LIN54: variants seen among roughly 807,000 people sequenced by gnomAD.
The protein encoded by LIN54 is protein lin-54 homolog.
A neutral mutation model predicts 78.7 loss-of-function variants in LIN54; 9 were observed. That is an observed-to-expected ratio of 0.11 (90% CI 0.07 to 0.20). The LOEUF is 0.20. Ranked by LOEUF, LIN54 falls within the 10% of genes least tolerant of loss-of-function variation. LIN54 has a pLI of 1.00. For synonymous variants in LIN54, 269 were observed against 318.4 expected (o/e 0.84, Z 1.65); for missense variants, 573 against 889.9 (o/e 0.64, Z 4.53).
chr4:83,003,715 G>A (rs955835246), intron 1 of LIN54, among the ~76,000 whole-genome samples: 9 of 151,722 alleles, frequency 5.9e-5, no homozygotes, highest in South Asian at 2.1e-4. Flanking sequence ...TTCTAGAGAC[G>A]GGGTCTCGCC....
rs1277500854 is a variant in LIN54, at chr4:82,927,036, A to G, written c.*1066T>C. On this transcript the variant is annotated 3_prime_UTR_variant, in exon 13 of 13. Transcript: ENST00000340417. ...GTGGCATGCACCTGTAGTCCCAGCT[A>G]CACGGGAGGCTGAGGCAGGAGAATC... The G allele has an allele frequency of 6.5e-6, 1 of 152,758 alleles. No homozygotes were observed. The highest frequency in any genetic ancestry group is 1.5e-5 in the Non-Finnish European group (1 of 68,564). The allele number at this position is 152,758 out of a possible 1,614,324, so 9.5% of individuals were successfully genotyped here.
chr4:82,946,159 G>T, intron 5 of LIN54, 99 bp downstream of exon 5: 1 of 1,029,828 alleles, frequency 9.7e-7, no homozygotes. Context: ...AAACTCAGTT[G>T]AAATGCCACT....
At chr4:82,962,129 T>C (rs1191526815) in intron 4 of LIN54, among the ~76,000 whole-genome samples, 2 of 152,148 alleles carry the variant, frequency 1.3e-5, no homozygotes, top group Non-Finnish European at 2.9e-5. Context: ...CTTGCTATGT[T>C]GCCCAGGCTG....
At chr4:82,997,994 C>CA (rs58344267) in intron 1 of LIN54, among the ~76,000 whole-genome samples, 27,477 of 104,924 alleles carry the variant, frequency 0.26, 2,979 homozygotes, top group South Asian at 0.35. Flanking sequence ...AACTCCATCT[C>CA]AAAAAAAAAA....
At chr4:82,944,633 T>A (rs547060829) in intron 5 of LIN54, 1 of 152,354 alleles carries the variant, frequency 6.6e-6, no homozygotes, top group South Asian at 2.1e-4. Flanking sequence ...TTCAGTAATT[T>A]GAAAGAGAAA....
chr4:82,946,201 A>G (rs1723347247), intron 5 of LIN54, 57 bp downstream of exon 5: 4 of 1,423,424 alleles, frequency 2.8e-6, no homozygotes, highest in Admixed American at 1.7e-5. Flanking sequence ...AAATGGACAA[A>G]TGTTCTTTAA....
At chr4:82,978,810 G>A in intron 3 of LIN54, 73 bp downstream of exon 3, 1 of 925,918 alleles carries the variant, frequency 1.1e-6, no homozygotes, top group Non-Finnish European at 1.6e-6. Context: ...AACATTTTAA[G>A]TTGGCAGAAC....
At chr4:82,975,611 C>G (rs1159952924) in intron 3 of LIN54, among the ~76,000 whole-genome samples, 1 of 151,308 alleles carries the variant, frequency 6.6e-6, no homozygotes, top group Non-Finnish European at 1.5e-5. Flanking sequence ...ATTCAGGAGG[C>G]TGAGACAGGA....
Position 82,970,478 on chromosome 4 carries a change from G to A in LIN54, c.809-9C>T, listed in dbSNP as rs759480015. 7 of 1,600,688 alleles carry A rather than the reference G, an allele frequency of 4.4e-6. No homozygotes were observed. The highest frequency in any genetic ancestry group is 6.0e-6 in the Non-Finnish European group (7 of 1,175,958). On this transcript the variant is annotated splice_polypyrimidine_tract_variant and intron_variant, in intron 3 of 12. Transcript: ENST00000340417. ...CTGTGAAAGAACCCTACCTGCAAAT[G>A]AGAGGCAGCACATCAGTTTGACTTT...
intron 8 of LIN54, among the ~76,000 whole-genome samples, chr4:82,937,663 T>G (rs1388740796): frequency 2.0e-5 from 3 of 152,202 alleles, no homozygotes; most frequent in Non-Finnish European, 4.4e-5. Flanking sequence ...TCAAAACTCT[T>G]GGGATTCAAT....
intron 7 of LIN54, 142 bp from the exon 8 acceptor site, chr4:82,938,646 C>T (rs921959478): frequency 2.0e-5 from 12 of 599,848 alleles, no homozygotes; most frequent in East Asian, 1.1e-4. Flanking sequence ...ACATACTTCA[C>T]AGAGCTCTTT....
chr4:82,964,738 T>C (rs1725068890), intron 4 of LIN54, among the ~76,000 whole-genome samples: 2 of 151,740 alleles, frequency 1.3e-5, no homozygotes, highest in African/African-American at 4.8e-5. Flanking sequence ...AAGAAAAAAA[T>C]TTAAAAGGCC....
Position 82,936,203 on chromosome 4 carries a change from T to C in LIN54, c.1707+76A>G, listed in dbSNP as rs916477353. On this transcript the variant is annotated intron_variant, in intron 10 of 12. Transcript: ENST00000340417. ...TGCAAAAGGAATTGATAACGTTTCT[T>C]TGCAAGACAATTGAGTTTTATAAAA... The C allele has an allele frequency of 3.8e-5, 59 of 1,562,030 alleles. 1 individual carries two copies. Among genetic ancestry groups the C allele is most frequent in the Non-Finnish European group, 1.3e-5 (15 of 1,137,128 alleles).
intron 4 of LIN54, among the ~76,000 whole-genome samples, chr4:82,963,690 A>C (rs895309678): frequency 2.0e-5 from 3 of 152,174 alleles, no homozygotes; most frequent in Non-Finnish European, 2.9e-5. Context: ...CTAAAAAAAA[A>C]AAAATCTTTG....
intron 4 of LIN54, among the ~76,000 whole-genome samples, chr4:82,963,980 A>G (rs1411303645): frequency 6.6e-6 from 1 of 152,164 alleles, no homozygotes; most frequent in Non-Finnish European, 1.5e-5. Flanking sequence ...TTTTATGTAT[A>G]TAATAATGTA....
intron 1 of LIN54, among the ~76,000 whole-genome samples, chr4:82,985,563 C>T (rs899281781): frequency 1.3e-5 from 2 of 152,168 alleles, no homozygotes; most frequent in African/African-American, 2.4e-5. Flanking sequence ...ATTATTGAGA[C>T]GGAGTCTCAC....
At chr4:82,967,155 G>A (rs956004625) in intron 4 of LIN54, among the ~76,000 whole-genome samples, 121 of 151,664 alleles carry the variant, frequency 8.0e-4, no homozygotes, top group African/African-American at 2.8e-3. Context: ...GAACCCAGGA[G>A]GTGGAGGTTG....
At chr4:82,983,001 TTTC>T (rs1726796980) in intron 2 of LIN54, among the ~76,000 whole-genome samples, 1 of 132,860 alleles carries the variant, frequency 7.5e-6, no homozygotes, top group African/African-American at 2.6e-5. Context: ...TATCACTGCA[TTTC>T]TTGTTTTTTT....
chr4:82,949,446 G>A (rs1723674668), intron 4 of LIN54, among the ~76,000 whole-genome samples: 1 of 152,110 alleles, frequency 6.6e-6, no homozygotes. Context: ...GCCCAAGCTA[G>A]AGTGCAGTGG....
Sources: gnomAD v4.1 joint callset for allele counts (sites outside exome capture counted in the v4.1 genomes callset) on GRCh38, gnomAD v4.1.1 for gene constraint, MANE v1.5 for transcripts, NCBI Gene and HGNC (gene_info 2026-07-23, HGNC 2026-07-21) for gene names.